Variants in ANKDD1A observed in about 807,000 individuals in gnomAD.
ANKDD1A encodes the protein ankyrin repeat and death domain-containing protein 1A.
ANKDD1A carries 59 observed loss-of-function variants against 63.5 expected under a neutral mutation model. The observed-to-expected ratio is 0.93, with a 90% confidence interval of 0.75 to 1.15. The LOEUF (loss-of-function observed/expected upper bound fraction) is 1.15. Ranked by LOEUF, ANKDD1A falls within the 50% of genes most tolerant of loss-of-function variation. The pLI is 0.00. For missense variants in ANKDD1A, 632 were observed against 656.4 expected (o/e 0.96, Z 0.41); for synonymous variants, 266 against 263.9 (o/e 1.01, Z -0.08).
At chr15:64,954,300 CTT>C (rs2085379652) in intron 14 of ANKDD1A, among the ~76,000 whole-genome samples, 1 of 23,440 alleles carries the variant, frequency 4.3e-5, no homozygotes, top group African/African-American at 5.8e-5. Context: ...TTCTCCTTTT[CTT>C]CTCCTTCTCT....
chr15:64,915,768 T>G lies in ANKDD1A; in HGVS notation c.35-29T>G, dbSNP rs756488992. The stretch of plus-strand genomic sequence containing the variant: ...TCTGCAGTGTGGGGCATCCTCCCCC[T>G]CATCCTGCACCCCATTTTCTCCCCA... On this transcript the variant is annotated intron_variant, in intron 1 of 14. Transcript: ENST00000319580. 1.0e-5 allele frequency: 16 copies of G among 1,597,800 alleles called. No individual in the cohort carries two copies. The South Asian group carries it at 1.8e-4, about 18-fold the overall frequency.
At chr15:64,935,841 C>CAAAAAGAAAAAAA (rs2085127383) in intron 9 of ANKDD1A, among the ~76,000 whole-genome samples, 1 of 150,304 alleles carries the variant, frequency 6.7e-6, no homozygotes, top group Non-Finnish European at 1.5e-5. Flanking sequence ...GAGACTGTCT[C>CAAAAAGAAAAAAA]AAAAAGAAAA....
chr15:64,929,628 C>T (rs1404444907), intron 6 of ANKDD1A, among the ~76,000 whole-genome samples: 1 of 152,226 alleles, frequency 6.6e-6, no homozygotes, highest in Non-Finnish European at 1.5e-5. Flanking sequence ...AACTACCAGT[C>T]CTCTGGCCCT....
intron 14 of ANKDD1A, among the ~76,000 whole-genome samples, chr15:64,954,825 TTTTTGTTGTTC>T (rs1319922503): frequency 1.5e-3 from 226 of 146,632 alleles, no homozygotes; most frequent in African/African-American, 5.2e-3. Context: ...CTTCTCCTTC[TTTTTGTTGTTC>T]TTTCTTCTTC....
Position 64,947,501 on chromosome 15 carries a change from C to G in ANKDD1A, c.1259C>G (p.Ser420Cys). 6.2e-7 allele frequency: 1 copy of G among 1,613,850 alleles called. No homozygotes were observed. The highest frequency in any genetic ancestry group is 2.2e-5 in the East Asian group (1 of 44,872). ...CGTTCTGTGCTGTGGCGGCTGGCCT[C>G]CAGGTATCTGCAGCCCCGTGAGTGG... ...QLRSVLWRLA[S>C]RYLQPREWKK... Residue 420 changes from serine (S) to cysteine (C), a missense_variant, in exon 13 of 15, where the codon TCC becomes TGC. Ser to Cys is a moderately radical substitution (Grantham distance 112). Transcript: ENST00000319580.
At chr15:64,941,852 G>C (rs1256435683) in intron 9 of ANKDD1A, among the ~76,000 whole-genome samples, 1 of 152,094 alleles carries the variant, frequency 6.6e-6, no homozygotes, top group African/African-American at 2.4e-5. Context: ...TTGGAGTGAG[G>C]TATCTTTTCT....
At chr15:64,931,404 G>A in intron 7 of ANKDD1A, 83 bp from the exon 8 acceptor site, 1 of 1,353,332 alleles carries the variant, frequency 7.4e-7, no homozygotes, top group Non-Finnish European at 1.0e-6. Flanking sequence ...CAAGGCACAA[G>A]GGGCATCCTC....
intron 4 of ANKDD1A, among the ~76,000 whole-genome samples, chr15:64,923,011 C>T (rs2085018822): frequency 6.6e-6 from 1 of 152,120 alleles, no homozygotes; most frequent in Non-Finnish European, 1.5e-5. Context: ...TAAGGAAACA[C>T]ATATGTTACT....
intron 7 of ANKDD1A, among the ~76,000 whole-genome samples, chr15:64,931,123 G>A (rs1434078127): frequency 1.3e-5 from 2 of 152,224 alleles, no homozygotes; most frequent in Non-Finnish European, 2.9e-5. Flanking sequence ...CACCCCAGAA[G>A]TGAGACAGAA....
At position 64,943,540 on chromosome 15, in the gene ANKDD1A, T is replaced by TA. The variant is rs773130332; in HGVS notation, c.1024dup (p.Met342AsnfsTer8). 1.2e-6 allele frequency: 2 copies of TA among 1,614,054 alleles called. No homozygotes were observed. Among genetic ancestry groups the TA allele is most frequent in the African/African-American group, 2.7e-5 (2 of 74,912 alleles). ...AGCACGCCTGGCAGGACATAGCAGA[T>TA]ATGCTCCTCATTGCTGGGGTTGACT... On this transcript the variant is annotated frameshift_variant, in exon 11 of 15. Coordinates refer to ENST00000319580, the MANE Select transcript of ANKDD1A (RefSeq NM_182703.6). LOFTEE classifies it high-confidence loss of function.
At chr15:64,923,425 T>C (rs1181331986) in intron 4 of ANKDD1A, among the ~76,000 whole-genome samples, 1 of 152,226 alleles carries the variant, frequency 6.6e-6, no homozygotes, top group Non-Finnish European at 1.5e-5. Flanking sequence ...ATAGCAGCAA[T>C]AGGAAACTAA....
intron 9 of ANKDD1A, among the ~76,000 whole-genome samples, chr15:64,941,968 A>G (rs1288379406): frequency 1.3e-5 from 2 of 152,170 alleles, no homozygotes; most frequent in African/African-American, 4.8e-5. Flanking sequence ...AGAAAGTCCA[A>G]TAAGTCATCG....
intron 1 of ANKDD1A, among the ~76,000 whole-genome samples, chr15:64,913,284 C>A (rs147518786): frequency 6.6e-6 from 1 of 152,266 alleles, no homozygotes; most frequent in African/African-American, 2.4e-5. Flanking sequence ...AGCCCAGGAT[C>A]CTGCTGCTGG....
chr15:64,943,466 C>T lies in ANKDD1A; in HGVS notation c.967-18C>T. 1 of 1,613,246 alleles carries T rather than the reference C, an allele frequency of 6.2e-7. No individual in the cohort carries two copies. Among genetic ancestry groups the T allele is most frequent in the African/African-American group, 1.3e-5 (1 of 75,028 alleles). On this transcript the variant is annotated intron_variant, in intron 10 of 14. Transcript: ENST00000319580. Reference sequence around the variant, plus strand: ...CTACATGCTTTTCACTTACCTATTCCCTTGGCTTCTCCCCTAGAGGCAGCA... The same window carrying T: ...CTACATGCTTTTCACTTACCTATTCTCTTGGCTTCTCCCCTAGAGGCAGCA...
At chr15:64,949,783 G>A in intron 13 of ANKDD1A, 58 bp from the exon 14 acceptor site, 1 of 1,586,280 alleles carries the variant, frequency 6.3e-7, no homozygotes, top group Non-Finnish European at 8.5e-7. Context: ...CAGGCGCTCT[G>A]GTCAAGTGGC....
At chr15:64,952,510 T>C (rs1464113664) in intron 14 of ANKDD1A, among the ~76,000 whole-genome samples, 1 of 32,862 alleles carries the variant, frequency 3.0e-5, no homozygotes, top group African/African-American at 1.0e-4. Flanking sequence ...CTCCTTCTTC[T>C]TACTTTCTTC....
At chr15:64,951,599 TTTC>T (rs1257540401) in intron 14 of ANKDD1A, among the ~76,000 whole-genome samples, 975 of 90,146 alleles carry the variant, frequency 0.011, 10 homozygotes, top group African/African-American at 0.036. Context: ...TTCTTTCTTC[TTTC>T]TTCTTGTTCC....
In ANKDD1A at chr15:64,942,448, C is replaced by T. The variant is rs373076230; in HGVS notation, c.868-19C>T. ...CCTGGGAGGGACTGGTCGATTGATC[C>T]GTGTATCTCCTCCCACAGCAGGGTG... On this transcript the variant is annotated intron_variant, in intron 9 of 14. Transcript: ENST00000319580. 1.5e-4 allele frequency: 241 copies of T among 1,591,668 alleles called. No homozygotes were observed. The highest frequency in any genetic ancestry group is 1.9e-4 in the Non-Finnish European group (225 of 1,165,126).
intron 14 of ANKDD1A, chr15:64,951,093 G>A: frequency 8.4e-7 from 1 of 1,184,126 alleles, no homozygotes; most frequent in African/African-American, 1.6e-5. Context: ...ATCATTTAAG[G>A]GCTTTTTAAA....
Sources: gnomAD v4.1 joint callset for allele counts (sites outside exome capture counted in the v4.1 genomes callset) on GRCh38, gnomAD v4.1.1 for gene constraint, MANE v1.5 for transcripts, NCBI Gene and HGNC (gene_info 2026-07-23, HGNC 2026-07-21) for gene names.